Variants in KMT2C observed in about 807,000 individuals in gnomAD.
KMT2C encodes histone-lysine N-methyltransferase 2C.
KMT2C carries 88 observed loss-of-function variants against 507.9 expected under a neutral mutation model. The observed-to-expected ratio is 0.17, with a 90% confidence interval of 0.15 to 0.21. The LOEUF is 0.21. KMT2C is among the 10% of genes least tolerant of loss of function. The pLI, the probability that KMT2C is intolerant of heterozygous loss-of-function variation, is 1.00. For missense variants in KMT2C, 4,954 were observed against 5,957.8 expected, an observed-to-expected ratio of 0.83 and a Z score of 5.55; for synonymous variants, 2,049 against 2,080.8, an observed-to-expected ratio of 0.98 and a Z score of 0.42.
At position 152,315,040 on chromosome 7, in the gene KMT2C, A is replaced by G. The variant is rs995420220; in HGVS notation, c.590+98T>C. On this transcript the variant is annotated intron_variant, in intron 4 of 58. Coordinates refer to ENST00000262189, the MANE Select transcript of KMT2C (RefSeq NM_170606.3). ...TGTGGAGAACAGGAGAAACTGTTCA[A>G]CAAGAACAATCCCATTTGAAAATTT... The G allele has an allele frequency of 8.6e-6, 9 of 1,044,558 alleles. No homozygotes were observed. In the African/African-American group the frequency reaches 1.4e-4, roughly 17 times the overall value. 64.7% of individuals were successfully genotyped at this position (1,044,558 alleles called of 1,614,324 possible). A position where few individuals can be genotyped will look rare whatever the true frequency, so the allele number is the denominator to read the frequency against.
At chr7:152,337,357 A>G (rs996553652) in intron 2 of KMT2C, among the ~76,000 whole-genome samples, 4 of 152,228 alleles carry the variant, frequency 2.6e-5, no homozygotes, top group African/African-American at 9.6e-5. Context: ...ATTAAATAGC[A>G]TCAGCTATGT....
intron 1 of KMT2C, among the ~76,000 whole-genome samples, chr7:152,413,967 T>C (rs1049963955): frequency 6.6e-6 from 1 of 151,562 alleles, no homozygotes; most frequent in Non-Finnish European, 1.5e-5. Flanking sequence ...ATCCCAACTC[T>C]CTGGGAGGCC....
At chr7:152,250,462 A>T (rs765220618) in intron 12 of KMT2C, among the ~76,000 whole-genome samples, 7 of 152,206 alleles carry the variant, frequency 4.6e-5, no homozygotes, top group African/African-American at 7.2e-5. Flanking sequence ...TAATTGAAAC[A>T]TCATGGAAAT....
chr7:152,321,352 T>C (rs944368169), intron 3 of KMT2C, among the ~76,000 whole-genome samples: 7 of 151,700 alleles, frequency 4.6e-5, no homozygotes, highest in African/African-American at 1.4e-4. Flanking sequence ...AAATACTGAA[T>C]ATAAAATTGA....
At chr7:152,343,906 G>A (rs892742618) in intron 2 of KMT2C, among the ~76,000 whole-genome samples, 1 of 152,252 alleles carries the variant, frequency 6.6e-6, no homozygotes, top group South Asian at 2.1e-4. Context: ...AAGTCCTTCA[G>A]AGAGAACAAG....
At chr7:152,213,959 T>C (rs557505009) in intron 23 of KMT2C, among the ~76,000 whole-genome samples, 28 of 152,184 alleles carry the variant, frequency 1.8e-4, no homozygotes, top group South Asian at 1.5e-3. Context: ...GGTCAAATGG[T>C]ATATGAAAAG....
chr7:152,165,320 A>G (rs1398005726), intron 42 of KMT2C, among the ~76,000 whole-genome samples: 1 of 152,236 alleles, frequency 6.6e-6, no homozygotes, highest in Non-Finnish European at 1.5e-5. Flanking sequence ...GATGTATCCC[A>G]TTTTTCAAGT....
At chr7:152,153,493 G>C (rs111995712) in intron 48 of KMT2C, among the ~76,000 whole-genome samples, 3 of 152,158 alleles carry the variant, frequency 2.0e-5, no homozygotes, top group Non-Finnish European at 4.4e-5. Context: ...CATTTCTATT[G>C]CTTCTGCAAA....
chr7:152,216,330 G>A (rs1449518635), intron 23 of KMT2C, among the ~76,000 whole-genome samples: 1 of 152,148 alleles, frequency 6.6e-6, no homozygotes, highest in Non-Finnish European at 1.5e-5. Flanking sequence ...AAGTGATGAT[G>A]TATGACTTTT....
At position 152,158,281 on chromosome 7, in the gene KMT2C, T is replaced by C. The variant is rs574848972; in HGVS notation, c.11670+582A>G. On this transcript the variant is annotated intron_variant, in intron 44 of 58. Transcript: ENST00000262189. ...GTGTAGAACAGAATTCACAATGTGT[T>C]TCTTTGGATTCAGAGTCACAACAAA... Among the ~76,000 whole-genome samples, 16 of 152,340 alleles carry C rather than the reference T, an allele frequency of 1.1e-4. No individual in the cohort carries two copies. The South Asian group carries it at 3.1e-3, about 30-fold the overall frequency.
chr7:152,186,144 C>A (rs1033360198), intron 33 of KMT2C, among the ~76,000 whole-genome samples: 1 of 152,030 alleles, frequency 6.6e-6, no homozygotes, highest in Non-Finnish European at 1.5e-5. Context: ...TGGGTAAGAT[C>A]AACAGTTAAT....
At chr7:152,406,291 C>A (rs2097613624) in intron 1 of KMT2C, among the ~76,000 whole-genome samples, 4 of 151,486 alleles carry the variant, frequency 2.6e-5, no homozygotes, top group African/African-American at 9.8e-5. Flanking sequence ...ACAAAAAATA[C>A]AAAAATTAGC....
chr7:152,363,027 C>A (rs1222874204), intron 1 of KMT2C, among the ~76,000 whole-genome samples: 1 of 152,124 alleles, frequency 6.6e-6, no homozygotes, highest in African/African-American at 2.4e-5. Flanking sequence ...TGCCATGTGA[C>A]TTTTCTGACT....
At chr7:152,267,684 C>T (rs1482702408) in intron 7 of KMT2C, among the ~76,000 whole-genome samples, 6 of 152,204 alleles carry the variant, frequency 3.9e-5, no homozygotes, top group Non-Finnish European at 8.8e-5. Flanking sequence ...CTGTCTAAAT[C>T]ATTTTCTGCA....
At chr7:152,171,364 G>T in intron 39 of KMT2C, 22 bp from the exon 40 acceptor site, 2 of 1,504,294 alleles carry the variant, frequency 1.3e-6, no homozygotes, top group Non-Finnish European at 1.8e-6. Context: ...GGGTACACAA[G>T]TATCAAGTGA....
In KMT2C at chr7:152,182,434, G is replaced by T. The variant is rs1479368089; in HGVS notation, c.5426C>A (p.Pro1809His). Residue 1809 changes from proline (P) to histidine (H), a missense_variant, in exon 36 of 59, where the codon CCC (proline) becomes CAC (histidine). Around this residue, in one of 29 missense-constraint regions of KMT2C, gnomAD observed 1,689 missense variants for 1,654.3 expected, o/e 1.02. Transcript: ENST00000262189. ...SDTPSSGIQS[P>H]LTPQPGNGNM... ...TCCATTGCCAGGCTGAGGTGTCAAG[G>T]GACTCTGTATCCCACTACTTGGTGT... 1 of 1,613,906 alleles carries T rather than the reference G, an allele frequency of 6.2e-7. No homozygotes were observed. Among genetic ancestry groups the T allele is most frequent in the Non-Finnish European group, 8.5e-7 (1 of 1,179,878 alleles).
chr7:152,161,534 T>C lies in KMT2C; in HGVS notation c.11460+583A>G, dbSNP rs1264560443. On this transcript the variant is annotated intron_variant, in intron 43 of 58. Coordinates refer to ENST00000262189, the MANE Select transcript of KMT2C (RefSeq NM_170606.3). ...AAGGGGACAGATTCTTGTAAAGGTA[T>C]ATTTACAAGTTAGCTCTTCATGTAA... Among the ~76,000 whole-genome samples the C allele has an allele frequency of 2.6e-5, 4 of 152,170 alleles. No individual in the cohort carries two copies. The South Asian group carries it at 6.2e-4, about 24-fold the overall frequency.
At chr7:152,345,709 TGG>T (rs2097051956) in intron 2 of KMT2C, among the ~76,000 whole-genome samples, 1 of 152,054 alleles carries the variant, frequency 6.6e-6, no homozygotes, top group African/African-American at 2.4e-5. Flanking sequence ...TTAATAGAGG[TGG>T]GGTTTCACCA....
chr7:152,387,637 A>AT (rs2097443628), intron 1 of KMT2C, among the ~76,000 whole-genome samples: 1 of 152,076 alleles, frequency 6.6e-6, no homozygotes, highest in Non-Finnish European at 1.5e-5. Context: ...TACCCGGCTA[A>AT]TTTTTTGTAT....
Sources: gnomAD v4.1 joint callset for allele counts (sites outside exome capture counted in the v4.1 genomes callset) on GRCh38, gnomAD v4.1.1 for gene constraint, gnomAD v4.1.1 regional missense constraint, MANE v1.5 for transcripts, NCBI Gene and HGNC (gene_info 2026-07-23, HGNC 2026-07-21) for gene names.